Variants in CSMD3 observed in about 807,000 individuals in gnomAD.
CSMD3 encodes CUB and sushi domain-containing protein 3.
CSMD3 carries 177 observed loss-of-function variants against 435.2 expected under a neutral mutation model. The observed-to-expected ratio is 0.41, with a 90% confidence interval of 0.36 to 0.46. The LOEUF (loss-of-function observed/expected upper bound fraction) is 0.46, where lower values mean the gene tolerates loss of function less well. Among genes scored for constraint, CSMD3 ranks in the 20% least tolerant of loss-of-function variants. The pLI, the probability that CSMD3 is intolerant of heterozygous loss-of-function variation, is 0.34. For synonymous variants in CSMD3, 1,656 were observed against 1,520.5 expected (o/e 1.09, Z -2.07); for missense variants, 4,265 against 4,504.6 (o/e 0.95, Z 1.52).
rs1483323293 is a variant in CSMD3 at position 112,587,049 on chromosome 8, T to G, written c.3885+17A>C. 1 of 1,582,726 alleles carries G rather than the reference T, an allele frequency of 6.3e-7. No homozygotes were observed. Among genetic ancestry groups the G allele is most frequent in the Non-Finnish European group, 8.7e-7 (1 of 1,153,014 alleles). On this transcript the variant is annotated intron_variant, in intron 23 of 70. Coordinates refer to ENST00000297405, the MANE Select transcript of CSMD3 (RefSeq NM_198123.2). ...ACTAAAAATGAACAATATACAAGTATGTCTGAGTTCACCTACCTTAAGAAC... is the reference window on the plus strand; with the variant it reads ...ACTAAAAATGAACAATATACAAGTAGGTCTGAGTTCACCTACCTTAAGAAC...
At chr8:112,757,746 G>T (rs1307267989) in intron 13 of CSMD3, among the ~76,000 whole-genome samples, 1 of 152,034 alleles carries the variant, frequency 6.6e-6, no homozygotes, top group Non-Finnish European at 1.5e-5. Context: ...TTGATCCTTT[G>T]CATCTAAGGA....
At chr8:112,488,377 C>A (rs1161775159) in intron 31 of CSMD3, among the ~76,000 whole-genome samples, 2 of 151,958 alleles carry the variant, frequency 1.3e-5, no homozygotes, top group African/African-American at 4.8e-5. Context: ...TTCTAGGGTG[C>A]GACTAAGGCA....
intron 18 of CSMD3, among the ~76,000 whole-genome samples, chr8:112,651,815 C>A (rs892237375): frequency 6.6e-6 from 1 of 151,726 alleles, no homozygotes; most frequent in African/African-American, 2.4e-5. Context: ...GGATTACAGG[C>A]GTGAGTCACT....
intron 32 of CSMD3, among the ~76,000 whole-genome samples, chr8:112,419,419 A>T (rs959694566): frequency 2.0e-5 from 3 of 152,210 alleles, no homozygotes; most frequent in African/African-American, 7.2e-5. Flanking sequence ...GTAATTAGGA[A>T]ATACAATATG....
intron 13 of CSMD3, among the ~76,000 whole-genome samples, chr8:112,739,629 G>A (rs13281821): frequency 0.45 from 67,775 of 151,316 alleles, 16,262 homozygotes; most frequent in Non-Finnish European, 0.52. Context: ...AAGACAGGAA[G>A]GATGAATTAT....
chr8:113,186,966 T>G (rs2092512539), intron 3 of CSMD3, among the ~76,000 whole-genome samples: 1 of 152,052 alleles, frequency 6.6e-6, no homozygotes, highest in African/African-American at 2.4e-5. Context: ...GCTTGGACAA[T>G]ATAACTGGTT....
intron 6 of CSMD3, among the ~76,000 whole-genome samples, chr8:112,990,145 G>A (rs753696774): frequency 4.6e-5 from 7 of 151,860 alleles, no homozygotes; most frequent in Admixed American, 1.3e-4. Flanking sequence ...ACTCAGTCCC[G>A]AATACGTCTT....
intron 22 of CSMD3, among the ~76,000 whole-genome samples, chr8:112,602,768 T>TA (rs1237841469): frequency 2.6e-5 from 4 of 151,874 alleles, no homozygotes; most frequent in Non-Finnish European, 5.9e-5. Context: ...AAGAAAATAA[T>TA]AAAAAATATA....
intron 10 of CSMD3, among the ~76,000 whole-genome samples, chr8:112,876,984 A>T (rs1163962217): frequency 6.6e-6 from 1 of 152,178 alleles, no homozygotes; most frequent in Non-Finnish European, 1.5e-5. Context: ...AGAGAGCCAA[A>T]TCATAAGTGA....
At chr8:112,521,039 C>T (rs1230084738) in intron 27 of CSMD3, among the ~76,000 whole-genome samples, 1 of 151,940 alleles carries the variant, frequency 6.6e-6, no homozygotes, top group Non-Finnish European at 1.5e-5. Context: ...CTGTTAAGGA[C>T]TTACTCCTAA....
At chr8:113,054,374 C>T (rs746956480) in intron 5 of CSMD3, among the ~76,000 whole-genome samples, 31 of 152,034 alleles carry the variant, frequency 2.0e-4, no homozygotes, top group Non-Finnish European at 4.3e-4. Flanking sequence ...CTGGGAGATA[C>T]GTGTTTTTCT....
chr8:112,972,040 T>A (rs1373087832), intron 7 of CSMD3, among the ~76,000 whole-genome samples: 1 of 151,954 alleles, frequency 6.6e-6, no homozygotes, highest in Non-Finnish European at 1.5e-5. Context: ...ATTTAATTTA[T>A]CTATGTGTTA....
At chr8:112,518,957 C>G (rs1481805165) in intron 27 of CSMD3, among the ~76,000 whole-genome samples, 1 of 151,956 alleles carries the variant, frequency 6.6e-6, no homozygotes, top group Non-Finnish European at 1.5e-5. Context: ...TTCAAATAAC[C>G]AGATCTCATG....
At chr8:113,070,463 A>G (rs1175472973) in intron 5 of CSMD3, among the ~76,000 whole-genome samples, 1 of 151,984 alleles carries the variant, frequency 6.6e-6, no homozygotes, top group African/African-American at 2.4e-5. Flanking sequence ...GGGTGAAAAT[A>G]CTTAAGATCT....
At chr8:113,414,120 G>A (rs909827861) in intron 1 of CSMD3, among the ~76,000 whole-genome samples, 46 of 152,298 alleles carry the variant, frequency 3.0e-4, no homozygotes, top group African/African-American at 1.1e-3. Context: ...AGATAACTGA[G>A]AGGATAAGAT....
chr8:113,138,938 TTA>T (rs2091483716), intron 4 of CSMD3, among the ~76,000 whole-genome samples: 2 of 151,246 alleles, frequency 1.3e-5, no homozygotes, highest in Admixed American at 1.3e-4. Context: ...TAGTATTGTA[TTA>T]TGTTTACAAA....
intron 32 of CSMD3, among the ~76,000 whole-genome samples, chr8:112,447,963 G>A (rs1055823380): frequency 1.3e-5 from 2 of 152,116 alleles, no homozygotes; most frequent in African/African-American, 4.8e-5. Flanking sequence ...CACCTTATTT[G>A]GAAGTAGGAT....
chr8:112,356,673 G>A (rs966219769), intron 38 of CSMD3, among the ~76,000 whole-genome samples: 1 of 151,678 alleles, frequency 6.6e-6, no homozygotes, highest in Non-Finnish European at 1.5e-5. Flanking sequence ...GGAGGTAACT[G>A]AATCATGGGT....
chr8:112,851,763 CAA>C (rs537512652), intron 11 of CSMD3, among the ~76,000 whole-genome samples: 3 of 131,544 alleles, frequency 2.3e-5, no homozygotes, highest in Non-Finnish European at 1.6e-5. Context: ...GACTCCATCT[CAA>C]AAAAAAAAAA....
Sources: allele counts gnomAD v4.1 joint callset (sites outside exome capture counted in the v4.1 genomes callset), GRCh38; gene constraint gnomAD v4.1.1; transcripts MANE v1.5; gene names NCBI Gene and HGNC (gene_info 2026-07-23, HGNC 2026-07-21).